ATP8B4: variants seen among roughly 807,000 people sequenced by gnomAD.
The protein encoded by ATP8B4 is probable phospholipid-transporting ATPase IM.
In ATP8B4, 133 loss-of-function variants were observed where a neutral mutation model predicts 145.6. The ratio of observed to expected loss-of-function variants is 0.91; its 90% CI spans 0.79 to 1.05. ATP8B4 has a LOEUF of 1.05. ATP8B4 is among the 50% of genes least tolerant of loss of function. ATP8B4 has a pLI of 0.00. For missense variants in ATP8B4, 1,458 were observed against 1,425.2 expected (o/e 1.02, Z -0.37); for synonymous variants, 507 against 492.9 (o/e 1.03, Z -0.38).
At chr15:50,054,404 T>C (rs2052424534) in intron 3 of ATP8B4, among the ~76,000 whole-genome samples, 1 of 152,188 alleles carries the variant, frequency 6.6e-6, no homozygotes, top group Non-Finnish European at 1.5e-5. Flanking sequence ...GAAACATTAA[T>C]GGATATCACT....
At chr15:50,082,478 T>C (rs2054617622) in intron 2 of ATP8B4, among the ~76,000 whole-genome samples, 1 of 152,228 alleles carries the variant, frequency 6.6e-6, no homozygotes, top group African/African-American at 2.4e-5. Context: ...GGGTTTGTTT[T>C]TCTCTTGGCT....
chr15:50,026,214 C>T (rs1228464357), intron 6 of ATP8B4, among the ~76,000 whole-genome samples: 2 of 152,182 alleles, frequency 1.3e-5, no homozygotes, highest in East Asian at 3.8e-4. Flanking sequence ...GTCACTGACT[C>T]CCCTTCTTTG....
intron 13 of ATP8B4, among the ~76,000 whole-genome samples, chr15:49,969,915 T>C (rs1274197807): frequency 6.6e-6 from 1 of 152,188 alleles, no homozygotes; most frequent in Non-Finnish European, 1.5e-5. Flanking sequence ...TTCAAAAAGC[T>C]TATCCACCAC....
intron 23 of ATP8B4, among the ~76,000 whole-genome samples, chr15:49,881,736 A>G (rs2035453799): frequency 1.3e-5 from 2 of 152,214 alleles, no homozygotes; most frequent in African/African-American, 2.4e-5. Flanking sequence ...ATCTGAAAGA[A>G]GCCTGAATTT....
At chr15:49,980,591 A>G (rs1275916641) in intron 11 of ATP8B4, among the ~76,000 whole-genome samples, 3 of 152,216 alleles carry the variant, frequency 2.0e-5, no homozygotes, top group Non-Finnish European at 1.5e-5. Flanking sequence ...AAAAATTCAT[A>G]AGAGAAAGAT....
chr15:50,174,305 G>A (rs939936733), intron 1 of ATP8B4, among the ~76,000 whole-genome samples: 4 of 152,044 alleles, frequency 2.6e-5, no homozygotes, highest in South Asian at 2.1e-4. Context: ...GTAATCAGAC[G>A]AGAGAAAGAA....
chr15:49,979,883 TA>T lies in ATP8B4; in HGVS notation c.838-71del. 2.7e-6 allele frequency: 3 copies of T among 1,125,346 alleles called. No individual in the cohort carries two copies. In the South Asian group the frequency reaches 5.8e-5, roughly 22 times the overall value. 69.7% of individuals were successfully genotyped at this position (1,125,346 alleles called of 1,614,324 possible). A position where few individuals can be genotyped will look rare whatever the true frequency, so the allele number is the denominator to read the frequency against. ...ATTAGTCATATCAACATGATCTAAT[TA>T]CGCATCTAACTCCAAGAAATAGTCA... On this transcript the variant is annotated intron_variant, in intron 11 of 27. Coordinates refer to ENST00000284509, the MANE Select transcript of ATP8B4 (RefSeq NM_024837.4).
At chr15:50,076,222 G>A (rs1291691989) in intron 2 of ATP8B4, among the ~76,000 whole-genome samples, 3 of 152,044 alleles carry the variant, frequency 2.0e-5, no homozygotes, top group African/African-American at 4.8e-5. Context: ...GGCTGGGTGC[G>A]GTGGCTCACG....
In ATP8B4 at chr15:50,083,330, C is replaced by G. The variant is rs1253620247; in HGVS notation, c.29-9145G>C. ...TAATCTGTTCTTTTCTATCTACATT[C>G]TTTTACAATTAGATTATCTATAGCA... On this transcript the variant is annotated intron_variant, in intron 2 of 27. Transcript: ENST00000284509. Among the ~76,000 whole-genome samples, 3 of 143,122 alleles carry G rather than the reference C, an allele frequency of 2.1e-5. No individual in the cohort carries two copies. In the East Asian group the frequency reaches 6.1e-4, roughly 29 times the overall value. 93.9% of individuals were successfully genotyped at this position (143,122 alleles called of 152,430 possible). A position where few individuals can be genotyped will look rare whatever the true frequency, so the allele number is the denominator to read the frequency against.
intron 14 of ATP8B4, among the ~76,000 whole-genome samples, chr15:49,957,132 C>T (rs566418687): frequency 2.0e-5 from 3 of 151,804 alleles, no homozygotes; most frequent in South Asian, 4.2e-4. Context: ...AGCTGCAAAT[C>T]GACTCATAGA....
At chr15:50,087,475 T>C (rs2055295081) in intron 2 of ATP8B4, among the ~76,000 whole-genome samples, 1 of 149,118 alleles carries the variant, frequency 6.7e-6, no homozygotes, top group Non-Finnish European at 1.5e-5. Flanking sequence ...TGAGAGGTGA[T>C]AAATTCTGTT....
intron 1 of ATP8B4, among the ~76,000 whole-genome samples, chr15:50,160,172 A>G (rs2044495710): frequency 6.6e-6 from 1 of 151,720 alleles, no homozygotes; most frequent in Non-Finnish European, 1.5e-5. Context: ...AGGTTTTCCA[A>G]TTTATTGGCA....
At position 49,860,133 on chromosome 15, in the gene ATP8B4, A is replaced by T. The variant is rs546347950; in HGVS notation, c.*61T>A. 167 of 1,528,002 alleles carry T rather than the reference A, an allele frequency of 1.1e-4. 1 individual carries two copies. The highest frequency in any genetic ancestry group is 1.4e-4 in the Non-Finnish European group (157 of 1,134,674). The allele number at this position is 1,528,002 out of a possible 1,614,324, so 94.7% of individuals were successfully genotyped here. ...GCCTCAAATCTCAAACTCTGGAGCC[A>T]GCAGAATTTCAGCTCCACCTGAAGT... On this transcript the variant is annotated 3_prime_UTR_variant, in exon 28 of 28. Coordinates refer to ENST00000284509, the MANE Select transcript of ATP8B4 (RefSeq NM_024837.4).
chr15:49,892,048 G>A (rs1448069085), intron 23 of ATP8B4, among the ~76,000 whole-genome samples: 1 of 149,628 alleles, frequency 6.7e-6, no homozygotes, highest in Non-Finnish European at 1.5e-5. Context: ...CCTGGGAGGT[G>A]GAGCTTGCAG....
intron 14 of ATP8B4, among the ~76,000 whole-genome samples, chr15:49,939,124 A>G (rs967145507): frequency 2.0e-5 from 3 of 152,064 alleles, no homozygotes; most frequent in African/African-American, 7.2e-5. Context: ...AAAGTTTATA[A>G]TGCTAAACAA....
chr15:49,875,914 C>T (rs2034341666), intron 25 of ATP8B4, among the ~76,000 whole-genome samples: 1 of 152,132 alleles, frequency 6.6e-6, no homozygotes, highest in South Asian at 2.1e-4. Context: ...TAAAACCTGG[C>T]AGTTATTAAG....
At chr15:50,034,811 C>A (rs758336491) in intron 6 of ATP8B4, among the ~76,000 whole-genome samples, 18 of 152,180 alleles carry the variant, frequency 1.2e-4, no homozygotes, top group Non-Finnish European at 8.8e-5. Flanking sequence ...GGATCCCTCT[C>A]ATTTGCCCTT....
chr15:49,890,169 C>G (rs1055985253), intron 23 of ATP8B4, among the ~76,000 whole-genome samples: 19 of 152,158 alleles, frequency 1.2e-4, no homozygotes, highest in African/African-American at 4.1e-4. Context: ...AGCACCTGGC[C>G]CTAAATTGGC....
At chr15:49,981,350 T>A in intron 10 of ATP8B4, 56 bp from the exon 11 acceptor site, 1 of 1,304,020 alleles carries the variant, frequency 7.7e-7, no homozygotes, top group East Asian at 2.3e-5. Flanking sequence ...TGTATTCTTA[T>A]TAATGCTCAT....
Sources: gnomAD v4.1 joint callset for allele counts (sites outside exome capture counted in the v4.1 genomes callset) on GRCh38, gnomAD v4.1.1 for gene constraint, MANE v1.5 for transcripts, NCBI Gene and HGNC (gene_info 2026-07-23, HGNC 2026-07-21) for gene names.